Variants in EXD3 observed in about 807,000 individuals in gnomAD.
The protein encoded by EXD3 is exonuclease 3'-5' domain containing 3.
Under a neutral mutation model 98.0 loss-of-function variants are expected in EXD3, and 92 were observed. The observed-to-expected ratio is 0.94, with a 90% CI of 0.79 to 1.12. EXD3 has a LOEUF of 1.12. EXD3 is among the 50% of genes most tolerant of loss of function. The pLI, the probability that EXD3 is intolerant of heterozygous loss-of-function variation, is 0.00. For synonymous variants in EXD3, 569 were observed against 526.0 expected (o/e 1.08, Z -1.12); for missense variants, 1,222 against 1,191.6 (o/e 1.03, Z -0.38).
intron 10 of EXD3, chr9:137,353,015 T>C: frequency 3.7e-6 from 5 of 1,362,756 alleles, no homozygotes; most frequent in Non-Finnish European, 4.7e-6. Flanking sequence ...TCCACCCCAG[T>C]GTAGCCCCGG....
In EXD3 at chr9:137,373,528, C is replaced by A. The variant is rs374256897; in HGVS notation, c.192G>T (p.Glu64Asp). ...CCTCTCCCCGCTGGCCCCGGCAGCT[C>A]TCCAGCATGTCCAGAAGCCCGGCCA... ...DPLAGLLDML[E>D]SCRGQRGEGP... is the part of the protein sequence containing the mutation. Residue 64 changes from glutamate (E) to aspartate (D), a missense_variant, in exon 4 of 22, where the codon GAG (glutamate) becomes GAT (aspartate). Physicochemically the swap from Glu to Asp is conservative, Grantham distance 45. Transcript: ENST00000340951. The A allele has an allele frequency of 4.4e-6, 7 of 1,604,442 alleles. No individual in the cohort carries two copies. In the African/African-American group the frequency reaches 8.0e-5, roughly 18 times the overall value.
intron 19 of EXD3, 24 bp from the exon 20 acceptor site, chr9:137,309,724 G>A (rs1236711891): frequency 9.1e-6 from 14 of 1,537,894 alleles, no homozygotes; most frequent in Middle Eastern, 1.7e-4. Flanking sequence ...GGGGTGCTGA[G>A]GCCCAGGCGG....
chr9:137,332,191 C>T (rs1227950861), intron 17 of EXD3, among the ~76,000 whole-genome samples: 1 of 152,174 alleles, frequency 6.6e-6, no homozygotes, highest in African/African-American at 2.4e-5. Context: ...CAGTGCAATT[C>T]CTATCAAAGT....
intron 17 of EXD3, among the ~76,000 whole-genome samples, chr9:137,327,916 A>C (rs898428168): frequency 7.0e-6 from 1 of 142,934 alleles, no homozygotes; most frequent in Non-Finnish European, 1.5e-5. Flanking sequence ...AAAACAACTA[A>C]TATACTCCCA....
intron 1 of EXD3, among the ~76,000 whole-genome samples, chr9:137,421,807 C>T (rs1386589016): frequency 2.6e-5 from 4 of 152,132 alleles, no homozygotes; most frequent in Admixed American, 2.6e-4. Context: ...CTCTGCACTC[C>T]AGCATGGGTG....
chr9:137,375,851 T>C (rs776894316), intron 3 of EXD3, among the ~76,000 whole-genome samples: 1 of 152,060 alleles, frequency 6.6e-6, no homozygotes, highest in Non-Finnish European at 1.5e-5. Flanking sequence ...AATGAAAACT[T>C]AGAAAACACA....
chr9:137,345,527 T>C (rs558632609), intron 17 of EXD3, among the ~76,000 whole-genome samples: 3 of 151,762 alleles, frequency 2.0e-5, no homozygotes, highest in Non-Finnish European at 4.4e-5. Flanking sequence ...TTGGGTGTAG[T>C]GGCGAGCACC....
intron 17 of EXD3, among the ~76,000 whole-genome samples, chr9:137,333,483 C>T (rs752024466): frequency 6.6e-6 from 1 of 152,138 alleles, no homozygotes; most frequent in Non-Finnish European, 1.5e-5. Flanking sequence ...GAATGTGTCC[C>T]CGCCCAAATC....
At chr9:137,381,415 C>CA (rs61183889) in intron 3 of EXD3, among the ~76,000 whole-genome samples, 1,901 of 49,678 alleles carry the variant, frequency 0.038, 70 homozygotes, top group African/African-American at 0.085. Context: ...GACTCCTTCT[C>CA]AAAAAAAAAA....
intron 19 of EXD3, among the ~76,000 whole-genome samples, chr9:137,318,439 T>A (rs1831831302): frequency 6.6e-6 from 1 of 151,810 alleles, no homozygotes; most frequent in African/African-American, 2.4e-5. Flanking sequence ...TTTCAGGACG[T>A]GTCCCCGTGG....
At chr9:137,307,859 G>A (rs1488330615) in intron 20 of EXD3, among the ~76,000 whole-genome samples, 3 of 152,136 alleles carry the variant, frequency 2.0e-5, no homozygotes, top group Admixed American at 1.3e-4. Flanking sequence ...CTCACACCTC[G>A]GAAAGGTCTT....
chr9:137,317,053 G>A (rs998401153), intron 19 of EXD3, among the ~76,000 whole-genome samples: 13 of 152,084 alleles, frequency 8.5e-5, no homozygotes, highest in Non-Finnish European at 1.8e-4. Flanking sequence ...CTGACAGGGC[G>A]GCCCAGGTCA....
intron 2 of EXD3, among the ~76,000 whole-genome samples, chr9:137,390,155 G>A (rs1306415841): frequency 7.0e-6 from 1 of 142,732 alleles, no homozygotes; most frequent in Admixed American, 7.1e-5. Flanking sequence ...AAATGGCCGG[G>A]CGCGGTGGCT....
intron 19 of EXD3, among the ~76,000 whole-genome samples, chr9:137,316,691 T>C (rs1163416367): frequency 2.6e-5 from 4 of 152,160 alleles, no homozygotes; most frequent in African/African-American, 9.6e-5. Flanking sequence ...TGCTCCGGGC[T>C]GCAGGGGCTG....
chr9:137,307,742 T>C (rs13288421), intron 20 of EXD3, 96 bp from the exon 21 acceptor site: 1,076,182 of 1,396,116 alleles, frequency 0.77, 417,226 homozygotes, highest in East Asian at 1. Flanking sequence ...CTGAGCACAG[T>C]CACCTCATGG....
At chr9:137,346,238 C>CAAAA (rs563761495) in intron 17 of EXD3, among the ~76,000 whole-genome samples, 448 of 13,592 alleles carry the variant, frequency 0.033, 38 homozygotes, top group Admixed American at 0.067. Flanking sequence ...GACTCCGTCT[C>CAAAA]AAAAAAAAAA....
chr9:137,327,639 C>A (rs1381785430), intron 17 of EXD3, among the ~76,000 whole-genome samples: 1 of 149,992 alleles, frequency 6.7e-6, no homozygotes, highest in Non-Finnish European at 1.5e-5. Flanking sequence ...AATATACACC[C>A]ATATGATGAG....
intron 7 of EXD3, among the ~76,000 whole-genome samples, chr9:137,364,770 G>GTTTT (rs34642939): frequency 2.6e-4 from 35 of 132,110 alleles, no homozygotes; most frequent in Middle Eastern, 4.0e-3. Flanking sequence ...TTTGTTCTAT[G>GTTTT]TTTTTTTTTT....
chr9:137,399,115 C>G (rs533795403), intron 1 of EXD3, among the ~76,000 whole-genome samples: 149 of 152,384 alleles, frequency 9.8e-4, no homozygotes, highest in African/African-American at 3.5e-3. Flanking sequence ...CACTGGAAGC[C>G]TGGCTGTGCG....
Sources: gnomAD v4.1 joint callset for allele counts (sites outside exome capture counted in the v4.1 genomes callset) on GRCh38, gnomAD v4.1.1 for gene constraint, MANE v1.5 for transcripts, NCBI Gene and HGNC (gene_info 2026-07-23, HGNC 2026-07-21) for gene names.